The following RELB variants were observed in gnomAD, a reference collection of about 807,000 sequenced individuals.
The protein encoded by RELB is transcription factor RelB.
A neutral mutation model predicts 55.4 loss-of-function variants in RELB; 14 were observed. The observed-to-expected ratio is 0.25, with a 90% CI of 0.17 to 0.40. RELB has a LOEUF of 0.40. RELB is among the 10% of genes least tolerant of loss of function. The pLI is 1.00. For missense variants in RELB, 669 were observed against 830.7 expected (o/e 0.81, Z 2.39); for synonymous variants, 409 against 371.3 (o/e 1.10, Z -1.17).
chr19:45,019,963 C>A (rs1352202060), intron 4 of RELB, among the ~76,000 whole-genome samples: 1 of 152,042 alleles, frequency 6.6e-6, no homozygotes, highest in African/African-American at 2.4e-5. Flanking sequence ...GGTGATCCAC[C>A]CACCTCGGCC....
rs746204629 is a variant in RELB at position 45,034,490 on chromosome 19, C to T, written c.1316C>T (p.Pro439Leu). The T allele has an allele frequency of 5.0e-6, 8 of 1,610,266 alleles. No homozygotes were observed. The highest frequency in any genetic ancestry group is 1.7e-5 in the Admixed American group (1 of 59,408). Residue 439 changes from proline to leucine, a missense_variant, in exon 11 of 12, where the codon CCG (proline) becomes CTG (leucine). Transcript: ENST00000221452. ...GIESKRRKKK[P>L]AILDHFLPNH... ...GAGAGCAAACGGCGGAAGAAAAAGC[C>T]GGCCATCCTGGACCACTTCCTGCCC...
chr19:45,021,897 A>G (rs1971493162), intron 4 of RELB, 156 bp from the exon 5 acceptor site: 1 of 729,362 alleles, frequency 1.4e-6, no homozygotes, highest in Non-Finnish European at 2.1e-6. Flanking sequence ...AAGCAAACAC[A>G]TTCCATCATC....
intron 2 of RELB, among the ~76,000 whole-genome samples, chr19:45,006,848 A>C (rs1971288151): frequency 6.6e-6 from 1 of 151,068 alleles, no homozygotes; most frequent in Non-Finnish European, 1.5e-5. Flanking sequence ...CCAGCTACTC[A>C]GGAGGCTGAG....
At chr19:45,036,014 C>T (rs1369330104) in intron 11 of RELB, among the ~76,000 whole-genome samples, 1 of 152,212 alleles carries the variant, frequency 6.6e-6, no homozygotes, top group Non-Finnish European at 1.5e-5. Context: ...TCACATCAGG[C>T]TGCAAGGAAG....
At chr19:45,023,049 G>A (rs1040978745) in intron 5 of RELB, among the ~76,000 whole-genome samples, 1 of 152,062 alleles carries the variant, frequency 6.6e-6, no homozygotes, top group African/African-American at 2.4e-5. Context: ...TCAGAGGTAG[G>A]GCTGAGTATT....
chr19:45,032,640 C>T lies in RELB; in HGVS notation c.1098C>T (p.Tyr366=), dbSNP rs147289748. The change falls in exon 9 of 12, where the codon TAC becomes TAT. Residue 366 remains tyrosine, a synonymous_variant. Transcript: ENST00000221452. ...QIAIVFKTPP[Y]EDLEIVEPVT... is the part of the protein sequence containing the mutation. ...CCATTGTGTTCAAGACGCCGCCCTA[C>T]GAGGACCTGGAGATTGTCGAGCCCG... 31 of 1,613,000 alleles carry T rather than the reference C, an allele frequency of 1.9e-5. No individual in the cohort carries two copies. The highest frequency in any genetic ancestry group is 6.7e-5 in the East Asian group (3 of 44,838).
chr19:45,003,051 G>T, intron 2 of RELB, 55 bp downstream of exon 2: 1 of 1,533,748 alleles, frequency 6.5e-7, no homozygotes. Context: ...GAGGTTGGGA[G>T]GACTCCACAG....
At chr19:45,003,044 G>A in intron 2 of RELB, 48 bp downstream of exon 2, 2 of 1,570,192 alleles carry the variant, frequency 1.3e-6, no homozygotes, top group Non-Finnish European at 8.7e-7. Flanking sequence ...GCAGGATGAG[G>A]TTGGGAGGAC....
At chr19:45,007,308 T>C (rs1428931793) in intron 2 of RELB, among the ~76,000 whole-genome samples, 1 of 152,214 alleles carries the variant, frequency 6.6e-6, no homozygotes, top group Non-Finnish European at 1.5e-5. Flanking sequence ...CTTGAATAAT[T>C]TCCTGGCTAA....
chr19:45,001,888 C>T (rs936871691), intron 1 of RELB, among the ~76,000 whole-genome samples: 3 of 151,836 alleles, frequency 2.0e-5, no homozygotes, highest in African/African-American at 7.3e-5. Context: ...TCGAGCGAGG[C>T]GTCCCGCTGT....
intron 2 of RELB, chr19:45,008,727 C>T (rs1472294562): frequency 1.2e-5 from 4 of 336,746 alleles, no homozygotes; most frequent in East Asian, 7.5e-5. Context: ...AACAGGTTCG[C>T]GTCTATAAAT....
At chr19:45,008,425 G>A (rs552331249) in intron 2 of RELB, 1 of 456,156 alleles carries the variant, frequency 2.2e-6, no homozygotes, top group Non-Finnish European at 4.4e-6. Flanking sequence ...CCTCTGGAGG[G>A]TCCAAAGTCT....
At chr19:45,009,724 A>G in intron 2 of RELB, 90 bp from the exon 3 acceptor site, 1 of 1,462,754 alleles carries the variant, frequency 6.8e-7, no homozygotes, top group Non-Finnish European at 9.5e-7. Context: ...CACAGGAGGG[A>G]CAGGGTTGGG....
At chr19:45,036,261 A>C (rs1971684997) in intron 11 of RELB, among the ~76,000 whole-genome samples, 1 of 152,036 alleles carries the variant, frequency 6.6e-6, no homozygotes, top group Admixed American at 6.6e-5. Context: ...TTGGGAGAGA[A>C]GGGGTTTCGC....
chr19:45,001,751 T>C, intron 1 of RELB, 66 bp downstream of exon 1: 1 of 1,100,940 alleles, frequency 9.1e-7, no homozygotes, highest in Non-Finnish European at 1.3e-6. Flanking sequence ...ATTCTGGCGG[T>C]CCCGGAGTAG....
intron 5 of RELB, among the ~76,000 whole-genome samples, chr19:45,024,409 G>A (rs901156763): frequency 1.3e-5 from 2 of 152,002 alleles, no homozygotes; most frequent in Non-Finnish European, 1.5e-5. Flanking sequence ...TGATCTGCCC[G>A]TATCGGCCTC....
rs146566695 is a variant in RELB, at chr19:45,016,850, AAAAC to A, written c.504+4598_504+4601del. On this transcript the variant is annotated intron_variant, in intron 4 of 11. Coordinates refer to ENST00000221452, the MANE Select transcript of RELB (RefSeq NM_006509.4). ...CCAGCCTGTGCGAGATCCTGTCTTA[AAAAC>A]AAACAAACAAACAAACAAACAAATC... is the stretch of plus-strand genomic sequence containing the variant. Among the ~76,000 whole-genome samples, 1,224 of 151,972 alleles carry A rather than the reference AAAAC, an allele frequency of 8.1e-3. 14 individuals are homozygous for A. The highest frequency in any genetic ancestry group is 0.011 in the Admixed American group (172 of 15,232).
intron 2 of RELB, among the ~76,000 whole-genome samples, chr19:45,007,882 C>A (rs2376868): frequency 0.35 from 51,584 of 146,948 alleles, 10,027 homozygotes; most frequent in Non-Finnish European, 0.45. Flanking sequence ...ATAGGCTGGG[C>A]GTGGTGGCTC....
At chr19:45,006,777 G>A (rs547674632) in intron 2 of RELB, among the ~76,000 whole-genome samples, 1 of 151,382 alleles carries the variant, frequency 6.6e-6, no homozygotes, top group East Asian at 2.0e-4. Flanking sequence ...CCTGACCAAC[G>A]TGGCAAAACC....
Sources: gnomAD v4.1 joint callset for allele counts (sites outside exome capture counted in the v4.1 genomes callset) on GRCh38, gnomAD v4.1.1 for gene constraint, MANE v1.5 for transcripts, NCBI Gene and HGNC (gene_info 2026-07-23, HGNC 2026-07-21) for gene names.